The following SEC31A variants were observed in gnomAD, a reference collection of about 807,000 sequenced individuals.
SEC31A encodes protein transport protein Sec31A.
SEC31A carries 70 observed loss-of-function variants against 151.0 expected under a neutral mutation model. The observed-to-expected ratio is 0.46, with a 90% CI of 0.38 to 0.57. SEC31A has a LOEUF of 0.57. SEC31A is among the 20% of genes least tolerant of loss of function. The pLI is 0.00. For missense variants in SEC31A, 1,330 were observed against 1,471.2 expected (o/e 0.90, Z 1.57); for synonymous variants, 475 against 505.9 (o/e 0.94, Z 0.82).
chr4:82,864,405 G>A lies in SEC31A; in HGVS notation c.1391C>T (p.Ala464Val). The change falls in exon 11 of 27, where the codon GCT becomes GTT. Residue 464 changes from alanine (A) to valine (V), a missense_variant. By Grantham distance (64) the Ala-to-Val change is moderately conservative. Coordinates refer to ENST00000395310, the MANE Select transcript of SEC31A (RefSeq NM_001077207.4). ...ATTTTTCTCAAATTCAGTCTGAGAAGCATCAATTTTTTTTTGGCAATAATT... is the reference window on the plus strand; with the variant it reads ...ATTTTTCTCAAATTCAGTCTGAGAAACATCAATTTTTTTTTGGCAATAATT... ...FINYCQKKID[A>V]SQTEFEKNVW... 6.2e-7 allele frequency: 1 copy of A among 1,614,060 alleles called. No homozygotes were observed. Among genetic ancestry groups the A allele is most frequent in the Non-Finnish European group, 8.5e-7 (1 of 1,179,920 alleles).
chr4:82,888,371 A>C (rs1346238160), intron 1 of SEC31A, among the ~76,000 whole-genome samples: 16 of 2,354 alleles, frequency 6.8e-3, no homozygotes, highest in African/African-American at 0.02. Flanking sequence ...AAAAAAAAAA[A>C]AACACACAAA....
intron 15 of SEC31A, 68 bp from the exon 16 acceptor site, chr4:82,857,198 T>C: frequency 7.6e-7 from 1 of 1,321,054 alleles, no homozygotes; most frequent in Non-Finnish European, 1.1e-6. Flanking sequence ...AACAAAGTAC[T>C]ACATCTATCA....
At chr4:82,853,883 T>G (rs1299299872) in intron 17 of SEC31A, among the ~76,000 whole-genome samples, 168 bp from the exon 18 acceptor site, 1 of 152,170 alleles carries the variant, frequency 6.6e-6, no homozygotes, top group Non-Finnish European at 1.5e-5. Context: ...ATTTGTTAAA[T>G]GAATGGGAAT....
rs749591409 is a variant in SEC31A, at chr4:82,848,867, C to T, written c.2439G>A (p.Arg813=). The change falls in exon 20 of 27, where the codon AGG becomes AGA. Residue 813 remains arginine, a synonymous_variant. Transcript: ENST00000395310. ...PYEKQQLPKG[R]PGPVAGHHQM... is the part of the protein sequence containing the mutation. ...GGTGGTGGCCAGCAACTGGTCCAGG[C>T]CTGCCCTTGGGGAGCTGCTGTTTCT... is the stretch of plus-strand genomic sequence containing the variant. 1.2e-6 allele frequency: 2 copies of T among 1,613,960 alleles called. No individual in the cohort carries two copies. The highest frequency in any genetic ancestry group is 1.7e-6 in the Non-Finnish European group (2 of 1,179,994).
chr4:82,850,040 G>C (rs1029774354), intron 19 of SEC31A, among the ~76,000 whole-genome samples: 5 of 151,712 alleles, frequency 3.3e-5, no homozygotes, highest in Admixed American at 3.3e-4. Flanking sequence ...ACCAAAAAAG[G>C]CAGGGTCTAC....
chr4:82,838,930 C>G (rs1442205167), intron 22 of SEC31A, among the ~76,000 whole-genome samples: 1 of 152,174 alleles, frequency 6.6e-6, no homozygotes, highest in Non-Finnish European at 1.5e-5. Flanking sequence ...TTTCTAAATC[C>G]TAAACAAAAT....
intron 9 of SEC31A, 43 bp downstream of exon 9, chr4:82,867,112 T>G (rs1389327126): frequency 6.3e-7 from 1 of 1,576,616 alleles, no homozygotes; most frequent in Non-Finnish European, 8.7e-7. Flanking sequence ...AACACATACT[T>G]TTTTCAGGCA....
At position 82,878,787 on chromosome 4, in the gene SEC31A, A is replaced by G. The variant is rs964689258; in HGVS notation, c.345T>C (p.Ile115=). 4.3e-6 allele frequency: 7 copies of G among 1,614,054 alleles called. No homozygotes were observed. The highest frequency in any genetic ancestry group is 1.7e-5 in the Admixed American group (1 of 60,006). ...KIIAGDKEVV[I]AQNDKHTGPV... The stretch of plus-strand genomic sequence containing the variant: ...GGCCAGTATGCTTGTCATTCTGGGC[A>G]ATCACAACTTCCTTGTCTCCAGCTA... The change falls in exon 4 of 27, where the codon ATT becomes ATC. Residue 115 remains isoleucine (I), a synonymous_variant. Coordinates refer to ENST00000395310, the MANE Select transcript of SEC31A (RefSeq NM_001077207.4).
intron 6 of SEC31A, among the ~76,000 whole-genome samples, chr4:82,873,638 G>A (rs1399295104): frequency 1.3e-5 from 2 of 152,020 alleles, no homozygotes; most frequent in South Asian, 2.1e-4. Context: ...CTGAAGAAGT[G>A]TTCTCCCAAA....
chr4:82,876,966 A>C (rs985156257), intron 4 of SEC31A, among the ~76,000 whole-genome samples: 1 of 152,246 alleles, frequency 6.6e-6, no homozygotes, highest in Non-Finnish European at 1.5e-5. Flanking sequence ...GGCTGGGCAC[A>C]GTGGCTCATG....
At chr4:82,823,680 A>G (rs1165994176) in intron 25 of SEC31A, among the ~76,000 whole-genome samples, 2 of 152,254 alleles carry the variant, frequency 1.3e-5, no homozygotes, top group Admixed American at 1.3e-4. Flanking sequence ...AAGTAAACTA[A>G]GTAAAATCAG....
At chr4:82,889,060 T>C in intron 1 of SEC31A, among the ~76,000 whole-genome samples, 1 of 152,218 alleles carries the variant, frequency 6.6e-6, no homozygotes, top group East Asian at 1.9e-4. Flanking sequence ...ATAGAAACAA[T>C]TGTTTAGAGG....
rs568968135 is a variant in SEC31A at position 82,853,064 on chromosome 4, C to T, written c.2154+506G>A. 4.6e-5 allele frequency among the ~76,000 whole-genome samples: 7 copies of T among 152,332 alleles called. No homozygotes were observed. The South Asian group carries it at 8.3e-4, about 18-fold the overall frequency. On this transcript the variant is annotated intron_variant, in intron 18 of 26. Transcript: ENST00000395310. Reference sequence around the variant, plus strand: ...TCGTTCACCCACTGCTCACCTCTTGCTGTGAGTCCAGGTTCCTAAGAGGCC... The same window carrying T: ...TCGTTCACCCACTGCTCACCTCTTGTTGTGAGTCCAGGTTCCTAAGAGGCC...
At chr4:82,871,517 T>A in intron 7 of SEC31A, 1 of 929,596 alleles carries the variant, frequency 1.1e-6, no homozygotes, top group Non-Finnish European at 1.6e-6. Flanking sequence ...GGCCCATGCC[T>A]GTATTCCCAG....
intron 6 of SEC31A, among the ~76,000 whole-genome samples, 192 bp downstream of exon 6, chr4:82,874,419 C>A (rs982814507): frequency 6.6e-6 from 1 of 152,008 alleles, no homozygotes; most frequent in African/African-American, 2.4e-5. Flanking sequence ...TAATATCCAA[C>A]ATATTTATTG....
rs1380202397 is a variant in SEC31A at position 82,824,551 on chromosome 4, A to G, written c.3411+4T>C. The G allele has an allele frequency of 6.2e-7, 1 of 1,611,754 alleles. No individual in the cohort carries two copies. Among genetic ancestry groups the G allele is most frequent in the Non-Finnish European group, 8.5e-7 (1 of 1,179,414 alleles). On this transcript the variant is annotated splice_donor_region_variant and intron_variant, in intron 25 of 26. Transcript: ENST00000395310. ...AAATATGATTTAAAAAAATAAATACATACAGGGTCTGTTGCTGAAGAAAGG... is the reference window on the plus strand; with the variant it reads ...AAATATGATTTAAAAAAATAAATACGTACAGGGTCTGTTGCTGAAGAAAGG...
At chr4:82,824,765 A>G in intron 24 of SEC31A, 91 bp from the exon 25 acceptor site, 1 of 1,390,938 alleles carries the variant, frequency 7.2e-7, no homozygotes, top group Non-Finnish European at 9.8e-7. Flanking sequence ...AGAAACCGAC[A>G]ACCTTGTACA....
rs33968103 is a variant in SEC31A, at chr4:82,861,905, C to CTTTTTTT, written c.1549-204_1549-198dup. Reference sequence around the variant, plus strand: ...CTATTACTGCTAACACTTTCCCATTCTTTTTTTTTTTTTTTTTTTTTTTTT... The same window carrying CTTTTTTT: ...CTATTACTGCTAACACTTTCCCATTCTTTTTTTTTTTTTTTTTTTTTTTTTTTTTTTT... On this transcript the variant is annotated intron_variant, in intron 13 of 26. Coordinates refer to ENST00000395310, the MANE Select transcript of SEC31A (RefSeq NM_001077207.4). The CTTTTTTT allele has an allele frequency of 1.7e-4, 15 of 89,692 alleles. 1 individual carries two copies. Among genetic ancestry groups the CTTTTTTT allele is most frequent in the South Asian group, 3.9e-4 (1 of 2,548 alleles). 5.6% of individuals were successfully genotyped at this position (89,692 alleles called of 1,614,324 possible). A position where few individuals can be genotyped will look rare whatever the true frequency, so the allele number is the denominator to read the frequency against.
chr4:82,845,337 A>G (rs1560607899), intron 20 of SEC31A: 1 of 1,168,962 alleles, frequency 8.6e-7, no homozygotes. Context: ...ATAAAAAATG[A>G]AAACGTTAAA....
Sources: gnomAD v4.1 joint callset for allele counts (sites outside exome capture counted in the v4.1 genomes callset) on GRCh38, gnomAD v4.1.1 for gene constraint, MANE v1.5 for transcripts, NCBI Gene and HGNC (gene_info 2026-07-23, HGNC 2026-07-21) for gene names.